Variants in PCDHGA4 observed in about 807,000 individuals in gnomAD.
PCDHGA4 encodes protocadherin gamma subfamily A, 4.
PCDHGA4 carries 38 observed loss-of-function variants against 54.6 expected under a neutral mutation model. That is an observed-to-expected ratio of 0.70 (90% CI 0.54 to 0.91). The LOEUF is 0.91. Among genes scored for constraint, PCDHGA4 ranks in the 40% least tolerant of loss-of-function variants. PCDHGA4 has a pLI of 0.00. For synonymous variants in PCDHGA4, 511 were observed against 512.9 expected (o/e 1.00, Z 0.05); for missense variants, 1,298 against 1,220.9 (o/e 1.06, Z -0.94).
Position 141,405,415 on chromosome 5 carries a change from GT to G in PCDHGA4, c.2514+47800del, listed in dbSNP as rs757320616. The G allele has an allele frequency of 3.1e-4, 488 of 1,559,566 alleles. 1 individual carries two copies. Among genetic ancestry groups the G allele is most frequent in the Admixed American group, 8.4e-4 (46 of 54,770 alleles). On this transcript the variant is annotated intron_variant, in intron 1 of 3. Transcript: ENST00000571252. Reference sequence around the variant, plus strand: ...TTTTCTTTCTTTCTTTTCTTTTTTTGTTTTTTGTTTTGTTTTGTTTTTGAGA... The same window carrying G: ...TTTTCTTTCTTTCTTTTCTTTTTTTGTTTTTGTTTTGTTTTGTTTTTGAGA...
chr5:141,491,662 A>C lies in PCDHGA4; in HGVS notation c.2515-3145A>C. 2 of 1,613,770 alleles carry C rather than the reference A, an allele frequency of 1.2e-6. No homozygotes were observed. The highest frequency in any genetic ancestry group is 1.7e-6 in the Non-Finnish European group (2 of 1,180,018). ...AGCTCTGGCGCTGGAGCCTGACGCC[A>C]TCCGGTCCCGCTCTAATACGCTGCG... On this transcript the variant is annotated intron_variant, in intron 1 of 3. Coordinates refer to ENST00000571252, the MANE Select transcript of PCDHGA4 (RefSeq NM_018917.4). This position sits in a 1 kb window ranked among gnomAD's most constrained non-coding sequence, Gnocchi z 6.9.
intron 1 of PCDHGA4, chr5:141,374,217 T>C (rs771956915): frequency 5.6e-6 from 9 of 1,613,862 alleles, no homozygotes; most frequent in Non-Finnish European, 6.8e-6. Context: ...GGCTCCTTCG[T>C]AGGCAACATC....
intron 1 of PCDHGA4, chr5:141,405,001 C>A: frequency 1.9e-6 from 3 of 1,614,008 alleles, no homozygotes; most frequent in Non-Finnish European, 2.5e-6. Flanking sequence ...TCCCTGCAGA[C>A]CTGGAGGCCT....
At chr5:141,437,459 C>T (rs749625924) in intron 1 of PCDHGA4, among the ~76,000 whole-genome samples, 1 of 152,140 alleles carries the variant, frequency 6.6e-6, no homozygotes, top group Admixed American at 6.5e-5. Context: ...GGAGACTATA[C>T]TATACTTTTA....
At chr5:141,394,610 C>T in intron 1 of PCDHGA4, 1 of 1,613,488 alleles carries the variant, frequency 6.2e-7, no homozygotes, top group African/African-American at 1.3e-5. Flanking sequence ...GAGACTCGGG[C>T]CAGAACGCCT....
intron 1 of PCDHGA4, among the ~76,000 whole-genome samples, chr5:141,473,871 T>A (rs2099330260): frequency 1.3e-5 from 2 of 152,190 alleles, no homozygotes; most frequent in Admixed American, 6.5e-5. Context: ...TTGTGGAGAA[T>A]GCATACACAA....
chr5:141,409,729 G>GCAGAGC (rs1178571616), intron 1 of PCDHGA4: 2 of 1,612,966 alleles, frequency 1.2e-6, no homozygotes, highest in African/African-American at 2.7e-5. Context: ...CAGTGAGCGC[G>GCAGAGC]CAGAGCGGGG....
chr5:141,384,557 T>C (rs2150262452), intron 1 of PCDHGA4: 2 of 1,614,252 alleles, frequency 1.2e-6, no homozygotes, highest in Middle Eastern at 3.3e-4. Flanking sequence ...CTGTTCGTGC[T>C]GGACCAGAAT....
chr5:141,389,840 C>T (rs2150401266), intron 1 of PCDHGA4: 2 of 1,614,048 alleles, frequency 1.2e-6, no homozygotes, highest in Non-Finnish European at 8.5e-7. Context: ...AGCCACCACT[C>T]TCGGCCACTG....
intron 1 of PCDHGA4, chr5:141,387,784 T>A (rs2091093181): frequency 6.8e-7 from 1 of 1,472,514 alleles, no homozygotes; most frequent in East Asian, 2.4e-5. Context: ...GAACTGGAAC[T>A]GCAACTAAAG....
rs201857404 is a variant in PCDHGA4, at chr5:141,485,844, G to C, written c.2515-8963G>C. The C allele has an allele frequency of 1.1e-5, 18 of 1,613,772 alleles. No homozygotes were observed. The highest frequency in any genetic ancestry group is 1.4e-5 in the Non-Finnish European group (16 of 1,179,956). ...GATGGAGGGAACCCGCCGAGATCTG[G>C]CACCGCAGAGCTCCGGGTATCCGTG... is the stretch of plus-strand genomic sequence containing the variant. On this transcript the variant is annotated intron_variant, in intron 1 of 3. Transcript: ENST00000571252. This position sits in a 1 kb window ranked among gnomAD's most constrained non-coding sequence, Gnocchi z 5.7.
rs751563833 is a variant in PCDHGA4 at position 141,421,382 on chromosome 5, A to T, written c.2514+63761A>T. 5.6e-6 allele frequency: 9 copies of T among 1,613,906 alleles called. No homozygotes were observed. The South Asian group carries it at 8.8e-5, about 16-fold the overall frequency. ...TCCTTCGTGGGCAATATCTCCAAGG[A>T]CCTGGGGCTGGAGCCCCGGGAGCTG... On this transcript the variant is annotated intron_variant, in intron 1 of 3. Transcript: ENST00000571252.
intron 1 of PCDHGA4, chr5:141,382,864 C>G (rs775003646): frequency 1.3e-6 from 2 of 1,516,562 alleles, no homozygotes; most frequent in Non-Finnish European, 8.8e-7. Context: ...AAGCACTTCC[C>G]GAGATCGGCG....
chr5:141,448,335 A>T (rs567377336), intron 1 of PCDHGA4, among the ~76,000 whole-genome samples: 1 of 152,108 alleles, frequency 6.6e-6, no homozygotes, highest in Non-Finnish European at 1.5e-5. Flanking sequence ...CTTTATAGCC[A>T]TGTACCTCAA....
intron 1 of PCDHGA4, chr5:141,370,538 G>A: frequency 3.1e-6 from 5 of 1,613,906 alleles, no homozygotes; most frequent in Non-Finnish European, 4.2e-6. Context: ...CGCTGGTAGG[G>A]AACCTCGCCA....
intron 1 of PCDHGA4, chr5:141,442,062 G>A (rs1001398926): frequency 7.0e-5 from 13 of 185,900 alleles, no homozygotes; most frequent in Admixed American, 1.3e-4. Context: ...GGTGCACTGC[G>A]GTGGACAGCC....
chr5:141,489,126 T>G lies in PCDHGA4; in HGVS notation c.2515-5681T>G. 31 of 585,108 alleles carry G rather than the reference T, an allele frequency of 5.3e-5. No homozygotes were observed. Among genetic ancestry groups the G allele is most frequent in the South Asian group, 1.3e-4 (4 of 31,402 alleles). 36.2% of individuals were successfully genotyped at this position (585,108 alleles called of 1,614,324 possible). On this transcript the variant is annotated intron_variant, in intron 1 of 3. Transcript: ENST00000571252. The surrounding 1 kb of genome is among the most constrained non-coding windows in gnomAD (Gnocchi z 4.5). ...TGCAAGCAGGCAAACCTCCGAGCAG[T>G]TTTTAAGAGGCTGGAAGGAGACATA...
intron 1 of PCDHGA4, chr5:141,393,714 A>G: frequency 6.2e-7 from 1 of 1,613,878 alleles, no homozygotes; most frequent in South Asian, 1.1e-5. Flanking sequence ...TACTGGGGAA[A>G]TATCAATAGC....
At position 141,432,379 on chromosome 5, in the gene PCDHGA4, G is replaced by A; in HGVS notation, c.2515-62428G>A. On this transcript the variant is annotated intron_variant, in intron 1 of 3. Transcript: ENST00000571252. The surrounding 1 kb of genome is among the most constrained non-coding windows in gnomAD (Gnocchi z 6.0). ...TGATGGCGCGGGACAACGGGCACCC[G>A]CCCCTCAGCAGCAACGTGTCGTTGA... 1.2e-6 allele frequency: 2 copies of A among 1,614,208 alleles called. No homozygotes were observed. The highest frequency in any genetic ancestry group is 1.7e-6 in the Non-Finnish European group (2 of 1,180,038).
Sources: allele counts gnomAD v4.1 joint callset (sites outside exome capture counted in the v4.1 genomes callset), GRCh38; gene constraint gnomAD v4.1.1; non-coding constraint Gnocchi (gnomAD v3.1); transcripts MANE v1.5; gene names NCBI Gene and HGNC (gene_info 2026-07-23, HGNC 2026-07-21).